GATM: variants seen among roughly 807,000 people sequenced by gnomAD.
The protein encoded by GATM is glycine amidinotransferase, mitochondrial.
In GATM, 23 loss-of-function variants were observed where a neutral mutation model predicts 54.2. The observed-to-expected ratio is 0.42, with a 90% CI of 0.31 to 0.60. The LOEUF (loss-of-function observed/expected upper bound fraction) is 0.60, where lower values mean the gene tolerates loss of function less well. GATM is among the 20% of genes least tolerant of loss of function. GATM has a pLI of 0.14. For missense variants in GATM, 401 were observed against 544.9 expected, an observed-to-expected ratio of 0.74 and a Z score of 2.63; for synonymous variants, 168 against 183.1, an observed-to-expected ratio of 0.92 and a Z score of 0.67.
chr15:45,364,649 G>C (rs1889419124), intron 7 of GATM, 148 bp downstream of exon 7: 1 of 715,848 alleles, frequency 1.4e-6, no homozygotes, highest in African/African-American at 1.8e-5. Context: ...GCCTTGTTCT[G>C]ATGCTCACAG....
intron 7 of GATM, 53 bp downstream of exon 7, chr15:45,364,744 C>A: frequency 6.6e-7 from 1 of 1,508,828 alleles, no homozygotes; most frequent in Non-Finnish European, 9.2e-7. Flanking sequence ...GAGAAAGATC[C>A]TTGGTCACTA....
At chr15:45,375,404 G>C (rs1418520178) in intron 2 of GATM, among the ~76,000 whole-genome samples, 2 of 152,172 alleles carry the variant, frequency 1.3e-5, no homozygotes, top group African/African-American at 4.8e-5. Context: ...GATATTACTT[G>C]TTGCCAGGGA....
exon 1 of GATM, chr15:45,402,165 G>C: frequency 2.0e-6 from 1 of 507,142 alleles, no homozygotes; most frequent in Non-Finnish European, 3.4e-6. Flanking sequence ...CCGCCTCCCA[G>C]ACACCTGTAA....
In GATM at chr15:45,362,227, T is replaced by C. The variant is rs1268881149; in HGVS notation, c.1160-6A>G. The C allele has an allele frequency of 1.3e-6, 2 of 1,544,588 alleles. No homozygotes were observed. The highest frequency in any genetic ancestry group is 1.8e-6 in the Non-Finnish European group (2 of 1,116,954). ...AACTTTAATGGTAGTGATACCTGCA[T>C]TGAAAGAGAGATGAGGTCAGTTAGA... is the stretch of plus-strand genomic sequence containing the variant. On this transcript the variant is annotated splice_polypyrimidine_tract_variant and splice_region_variant and intron_variant, in intron 8 of 8. Coordinates refer to ENST00000396659, the MANE Select transcript of GATM (RefSeq NM_001482.3).
chr15:45,389,178 A>G (rs1031333086), intron 3 of GATM, among the ~76,000 whole-genome samples: 17 of 152,270 alleles, frequency 1.1e-4, no homozygotes, highest in African/African-American at 4.1e-4. Context: ...AAGTTTTTAA[A>G]TATATAAACT....
chr15:45,363,935 T>C lies in GATM; in HGVS notation c.1124A>G (p.Asn375Ser), dbSNP rs758861947. The part of the protein sequence containing the change: ...LDEKRVMVDA[N>S]EVPIQKMFEK... ...AAACATCTTTTGAATTGGAACTTCA[T>C]TGGCATCCACCATAACACGTTTTTC... Residue 375 changes from asparagine (N) to serine (S), a missense_variant, in exon 8 of 9, where the codon AAT (asparagine) becomes AGT (serine). By Grantham distance (46) the Asn-to-Ser change is conservative (BLOSUM62 1). Transcript: ENST00000396659. 3 of 1,613,274 alleles carry C rather than the reference T, an allele frequency of 1.9e-6. No individual in the cohort carries two copies. The highest frequency in any genetic ancestry group is 2.5e-6 in the Non-Finnish European group (3 of 1,179,434).
At chr15:45,391,250 CA>C (rs146787362) in intron 3 of GATM, among the ~76,000 whole-genome samples, 16,915 of 117,172 alleles carry the variant, frequency 0.14, 3,248 homozygotes, top group African/African-American at 0.42. Flanking sequence ...ACTAAAAATA[CA>C]AAAAAAAAAA....
upstream of GATM, chr15:45,378,634 G>T: frequency 2.1e-6 from 1 of 474,958 alleles, no homozygotes; most frequent in Non-Finnish European, 3.6e-6. Flanking sequence ...AACAGGTGGT[G>T]GGGCCGGCGT....
chr15:45,387,691 A>G (rs931616217), intron 3 of GATM, among the ~76,000 whole-genome samples: 1 of 152,114 alleles, frequency 6.6e-6, no homozygotes, highest in Non-Finnish European at 1.5e-5. Flanking sequence ...TCAAAGTTTT[A>G]TTTTTTCCCT....
chr15:45,391,626 CTG>C (rs1419545309), intron 3 of GATM, among the ~76,000 whole-genome samples: 2 of 152,234 alleles, frequency 1.3e-5, no homozygotes, highest in African/African-American at 4.8e-5. Flanking sequence ...TTAGTTAACA[CTG>C]TGCAGAATTA....
In GATM at chr15:45,368,201, C is replaced by T; in HGVS notation, c.544G>A (p.Ala182Thr). The change falls in exon 4 of 9, where the codon GCT becomes ACT. Residue 182 changes from alanine (A) to threonine (T), a missense_variant. By Grantham distance (58) the Ala-to-Thr change is moderately conservative. Around this residue, in one of 3 missense-constraint regions of GATM, gnomAD observed 321 missense variants for 457.5 expected, o/e 0.70. Coordinates refer to ENST00000396659, the MANE Select transcript of GATM (RefSeq NM_001482.3). This position sits in a 1 kb window ranked among gnomAD's most constrained non-coding sequence, Gnocchi z 5.1. Reference sequence around the variant, plus strand: ...AAGCGTGAACGCCATGCCATGGGAGCCTCGATAATCTCATTGCCCACAACT... The same window carrying T: ...AAGCGTGAACGCCATGCCATGGGAGTCTCGATAATCTCATTGCCCACAACT... ...LIVVGNEIIE[A>T]PMAWRSRFFE... The T allele has an allele frequency of 6.2e-7, 1 of 1,614,076 alleles. No individual in the cohort carries two copies. The highest frequency in any genetic ancestry group is 8.5e-7 in the Non-Finnish European group (1 of 1,180,036).
Position 45,378,465 on chromosome 15 carries a change from G to C in GATM, c.-12C>G. ...CGCACCCGCAGCATCGCCCTGGCCC[G>C]GCTGGTCCACGCGCGGAATGTTCCT... On this transcript the variant is annotated 5_prime_UTR_variant, in exon 1 of 9. Transcript: ENST00000396659. The C allele has an allele frequency of 7.0e-7, 1 of 1,437,738 alleles. No individual in the cohort carries two copies. Among genetic ancestry groups the C allele is most frequent in the Non-Finnish European group, 9.1e-7 (1 of 1,101,894 alleles). 89.1% of individuals were successfully genotyped at this position (1,437,738 alleles called of 1,614,324 possible).
chr15:45,396,604 C>T (rs757767666), intron 3 of GATM, among the ~76,000 whole-genome samples: 3 of 152,106 alleles, frequency 2.0e-5, no homozygotes, highest in Non-Finnish European at 2.9e-5. Flanking sequence ...GGCACAGTGG[C>T]TCACACCTGT....
At chr15:45,367,305 C>T (rs572850766) in intron 4 of GATM, among the ~76,000 whole-genome samples, 8 of 150,464 alleles carry the variant, frequency 5.3e-5, no homozygotes, top group Admixed American at 2.0e-4. Flanking sequence ...CACGCCACTG[C>T]ACTCCAGTCT....
intron 4 of GATM, among the ~76,000 whole-genome samples, chr15:45,367,150 G>A (rs1889462786): frequency 6.6e-6 from 1 of 152,104 alleles, no homozygotes; most frequent in Admixed American, 6.5e-5. Context: ...AGACCAGCCT[G>A]GCCAACATGG....
intron 8 of GATM, among the ~76,000 whole-genome samples, chr15:45,362,850 T>C (rs1055282673): frequency 1.3e-5 from 2 of 152,220 alleles, no homozygotes; most frequent in African/African-American, 4.8e-5. Context: ...TCTGTTGTGT[T>C]AGATATAGTG....
chr15:45,374,983 G>C (rs532499768), intron 2 of GATM, among the ~76,000 whole-genome samples: 1 of 152,296 alleles, frequency 6.6e-6, no homozygotes, highest in Admixed American at 6.5e-5. Context: ...CTTAGATATG[G>C]AATCCTTATG....
At chr15:45,378,314 C>T in intron 1 of GATM, 71 bp downstream of exon 1, 3 of 1,243,936 alleles carry the variant, frequency 2.4e-6, no homozygotes, top group Non-Finnish European at 2.2e-6. Context: ...AGGGAGCGAG[C>T]GAGTGCTCCA....
At chr15:45,397,725 C>G (rs1889949993) in intron 2 of GATM, among the ~76,000 whole-genome samples, 1 of 152,214 alleles carries the variant, frequency 6.6e-6, no homozygotes, top group Non-Finnish European at 1.5e-5. Context: ...GCCCAATTTA[C>G]AGACCGTCCC....
Sources: gnomAD v4.1 joint callset for allele counts (sites outside exome capture counted in the v4.1 genomes callset) on GRCh38, gnomAD v4.1.1 for gene constraint, gnomAD v4.1.1 regional missense constraint, Gnocchi (gnomAD v3.1) non-coding constraint, MANE v1.5 for transcripts, NCBI Gene and HGNC (gene_info 2026-07-23, HGNC 2026-07-21) for gene names.